SHROOM3: variants seen among roughly 807,000 people sequenced by gnomAD.
SHROOM3 encodes shroom family member 3, also known as protein Shroom3.
Under a neutral mutation model 138.6 loss-of-function variants are expected in SHROOM3, and 47 were observed. The ratio of observed to expected loss-of-function variants is 0.34; its 90% CI spans 0.27 to 0.43. The LOEUF (loss-of-function observed/expected upper bound fraction) is 0.43, where lower values mean the gene tolerates loss of function less well. SHROOM3 is among the 20% of genes least tolerant of loss of function. The pLI is 1.00. For missense variants in SHROOM3, 2,491 were observed against 2,596.5 expected, an observed-to-expected ratio of 0.96 and a Z score of 0.88; for synonymous variants, 1,062 against 1,063.3, an observed-to-expected ratio of 1.00 and a Z score of 0.02.
intron 2 of SHROOM3, among the ~76,000 whole-genome samples, chr4:76,587,571 C>T (rs748498677): frequency 6.6e-6 from 1 of 152,048 alleles, no homozygotes; most frequent in Non-Finnish European, 1.5e-5. Flanking sequence ...TTTTTTCTTC[C>T]AATGATTACA....
intron 2 of SHROOM3, among the ~76,000 whole-genome samples, chr4:76,576,122 T>C (rs532775931): frequency 3.9e-5 from 6 of 152,198 alleles, no homozygotes; most frequent in African/African-American, 1.2e-4. Flanking sequence ...AAAGCTACCA[T>C]ACGATCCAGC....
intron 2 of SHROOM3, among the ~76,000 whole-genome samples, chr4:76,587,881 G>T (rs1267746534): frequency 6.6e-6 from 1 of 152,160 alleles, no homozygotes; most frequent in Non-Finnish European, 1.5e-5. Flanking sequence ...ATGAACATTG[G>T]AAAGCTAAAT....
At chr4:76,695,151 T>G (rs1156960593) in intron 2 of SHROOM3, among the ~76,000 whole-genome samples, 1 of 152,216 alleles carries the variant, frequency 6.6e-6, no homozygotes, top group Non-Finnish European at 1.5e-5. Context: ...GTCTACCACC[T>G]TTGGGGGTTT....
chr4:76,550,219 G>GT (rs1374868541), intron 1 of SHROOM3, among the ~76,000 whole-genome samples: 2 of 152,138 alleles, frequency 1.3e-5, no homozygotes, highest in Non-Finnish European at 2.9e-5. Flanking sequence ...AGAACACCGT[G>GT]TTTCCTTTGT....
intron 1 of SHROOM3, among the ~76,000 whole-genome samples, chr4:76,495,943 C>T (rs1297417441): frequency 6.6e-6 from 1 of 152,050 alleles, no homozygotes; most frequent in Non-Finnish European, 1.5e-5. Context: ...CCAGGCACGA[C>T]AAGAAAGGAC....
chr4:76,444,697 T>C (rs1311078097), intron 1 of SHROOM3, among the ~76,000 whole-genome samples: 2 of 151,524 alleles, frequency 1.3e-5, no homozygotes, highest in Non-Finnish European at 2.9e-5. Flanking sequence ...GGTTTCACCA[T>C]ATTGGTCAGG....
intron 2 of SHROOM3, among the ~76,000 whole-genome samples, chr4:76,593,856 G>A (rs919371096): frequency 3.3e-5 from 5 of 152,118 alleles, no homozygotes; most frequent in African/African-American, 9.7e-5. Context: ...CCTGGTGCCC[G>A]GAACCCCAGT....
intron 7 of SHROOM3, among the ~76,000 whole-genome samples, chr4:76,755,486 G>C (rs1327800602): frequency 6.6e-6 from 1 of 152,120 alleles, no homozygotes; most frequent in Non-Finnish European, 1.5e-5. Flanking sequence ...GATGAGTTCT[G>C]AATCAGTTAG....
chr4:76,461,012 A>G (rs564340690), intron 1 of SHROOM3, among the ~76,000 whole-genome samples: 1 of 148,824 alleles, frequency 6.7e-6, no homozygotes, highest in African/African-American at 2.4e-5. Context: ...ATACAAATAA[A>G]AAAAATTTAA....
In SHROOM3 at chr4:76,639,181, C is replaced by T. The variant is rs543356417; in HGVS notation, c.324-70975C>T. Among the ~76,000 whole-genome samples, 8 of 152,240 alleles carry T rather than the reference C, an allele frequency of 5.3e-5. No individual in the cohort carries two copies. The East Asian group carries it at 1.5e-3, about 29-fold the overall frequency. ...TATAAGGGGATGTTCTAAATAACCCCAATGGAACAATCCACAGCCACTTAC... is the reference window on the plus strand; with the variant it reads ...TATAAGGGGATGTTCTAAATAACCCTAATGGAACAATCCACAGCCACTTAC... On this transcript the variant is annotated intron_variant, in intron 2 of 10. Coordinates refer to ENST00000296043, the MANE Select transcript of SHROOM3 (RefSeq NM_020859.4).
chr4:76,488,036 C>A (rs1244385140), intron 1 of SHROOM3, among the ~76,000 whole-genome samples: 1 of 151,872 alleles, frequency 6.6e-6, no homozygotes, highest in East Asian at 1.9e-4. Context: ...TGTTGTTTAC[C>A]CTGAAACTAT....
intron 2 of SHROOM3, among the ~76,000 whole-genome samples, chr4:76,681,908 A>C (rs908154541): frequency 1.3e-5 from 2 of 151,990 alleles, no homozygotes; most frequent in Non-Finnish European, 2.9e-5. Context: ...GGACTCTGGG[A>C]CTGAGTCAGT....
intron 1 of SHROOM3, among the ~76,000 whole-genome samples, chr4:76,482,514 G>A (rs1199986125): frequency 1.3e-5 from 2 of 151,742 alleles, no homozygotes; most frequent in Non-Finnish European, 2.9e-5. Flanking sequence ...GAGGACAAAT[G>A]GAAAAACATT....
intron 1 of SHROOM3, among the ~76,000 whole-genome samples, chr4:76,484,235 C>G (rs753952251): frequency 6.6e-6 from 1 of 151,900 alleles, no homozygotes; most frequent in Non-Finnish European, 1.5e-5. Flanking sequence ...ATGCTAAACT[C>G]ATTATGAACA....
intron 2 of SHROOM3, among the ~76,000 whole-genome samples, chr4:76,597,350 A>T (rs767394103): frequency 6.6e-6 from 1 of 152,164 alleles, no homozygotes; most frequent in Non-Finnish European, 1.5e-5. Context: ...GACAAAATCA[A>T]TGTGGCTATC....
intron 2 of SHROOM3, among the ~76,000 whole-genome samples, chr4:76,693,190 A>G (rs138196240): frequency 5.9e-5 from 9 of 152,250 alleles, no homozygotes; most frequent in Non-Finnish European, 1.0e-4. Flanking sequence ...GCTTAGTAAG[A>G]ACTCAGTAAA....
chr4:76,543,436 T>C (rs1328964368), intron 1 of SHROOM3, among the ~76,000 whole-genome samples: 4 of 152,352 alleles, frequency 2.6e-5, no homozygotes, highest in Admixed American at 1.3e-4. Context: ...ACAGGACTAA[T>C]TGAGTTTTTA....
chr4:76,753,794 C>T (rs1176014070), intron 6 of SHROOM3, among the ~76,000 whole-genome samples: 2 of 152,140 alleles, frequency 1.3e-5, no homozygotes, highest in African/African-American at 2.4e-5. Context: ...GAAATGAAAA[C>T]ACTAGGAGAG....
At position 76,778,991 on chromosome 4, in the gene SHROOM3, AC is replaced by A; in HGVS notation, c.5806del (p.Arg1936GlyfsTer57). On this transcript the variant is annotated frameshift_variant, in exon 11 of 11. Coordinates refer to ENST00000296043, the MANE Select transcript of SHROOM3 (RefSeq NM_020859.4). LOFTEE classifies it low-confidence loss of function (END_TRUNC). ...TGAAGTCCACGCTCCTCATTGAGCA[AC>A]GGAAGCTGGATGACAAGATCAAGCT... is the stretch of plus-strand genomic sequence containing the variant. Reference protein sequence around the residue: ...KMKSTLLIEQRKLDDKIKLGQ... With the variant: ...KMKSTLLIEQXKLDDKIKLGQ... 6.2e-7 allele frequency: 1 copy of A among 1,614,196 alleles called. No homozygotes were observed. The highest frequency in any genetic ancestry group is 8.5e-7 in the Non-Finnish European group (1 of 1,180,030).
Sources: allele counts gnomAD v4.1 joint callset (sites outside exome capture counted in the v4.1 genomes callset), GRCh38; gene constraint gnomAD v4.1.1; transcripts MANE v1.5; gene names NCBI Gene and HGNC (gene_info 2026-07-23, HGNC 2026-07-21).